Variants in CHD8 observed in about 807,000 individuals in gnomAD.
The protein encoded by CHD8 is chromodomain helicase DNA binding protein 8.
A neutral mutation model predicts 279.2 loss-of-function variants in CHD8; 31 were observed. That is an observed-to-expected ratio of 0.11 (90% CI 0.08 to 0.15). The LOEUF (loss-of-function observed/expected upper bound fraction) is 0.15, where lower values mean the gene tolerates loss of function less well. CHD8 is among the 10% of genes least tolerant of loss of function. The probability of loss-of-function intolerance (pLI) is 1.00; values close to 1 mark genes in which losing one functional copy is unlikely to be tolerated. For synonymous variants in CHD8, 1,081 were observed against 1,139.6 expected, an observed-to-expected ratio of 0.95 and a Z score of 1.04; for missense variants, 2,146 against 3,230.5, an observed-to-expected ratio of 0.66 and a Z score of 8.14.
At chr14:21,424,839 T>A (rs1287393839) in intron 5 of CHD8, among the ~76,000 whole-genome samples, 1 of 152,184 alleles carries the variant, frequency 6.6e-6, no homozygotes, top group East Asian at 1.9e-4. Context: ...ACCGAATGTA[T>A]ATTATGAAAG....
chr14:21,390,685 C>G (rs776436839), intron 37 of CHD8, among the ~76,000 whole-genome samples: 1 of 151,084 alleles, frequency 6.6e-6, no homozygotes, highest in Non-Finnish European at 1.5e-5. Flanking sequence ...GGCTGATGCA[C>G]GAGAATTGCT....
rs540678377 is a variant in CHD8, at chr14:21,390,701, C to G, written c.7182+246G>C. On this transcript the variant is annotated intron_variant, in intron 37 of 37. Coordinates refer to ENST00000646647, the MANE Select transcript of CHD8 (RefSeq NM_001170629.2). ...GCTGATGCACGAGAATTGCTTGAAC[C>G]CGGCGGGCGGAGGTTGCAGTAGGCC... is the stretch of plus-strand genomic sequence containing the variant. 2.6e-5 allele frequency among the ~76,000 whole-genome samples: 4 copies of G among 151,546 alleles called. No homozygotes were observed. In the South Asian group the frequency reaches 6.2e-4, roughly 24 times the overall value.
Position 21,408,197 on chromosome 14 carries a change from A to C in CHD8, c.2730+115T>G. ...TGCCTTAAACCATAGGCATTTTTGCATAGGCATATTGAAGACTTTCAATAA... is the reference window on the plus strand; with the variant it reads ...TGCCTTAAACCATAGGCATTTTTGCCTAGGCATATTGAAGACTTTCAATAA... On this transcript the variant is annotated intron_variant, in intron 13 of 37. Coordinates refer to ENST00000646647, the MANE Select transcript of CHD8 (RefSeq NM_001170629.2). The surrounding 1 kb of genome is among the most constrained non-coding windows in gnomAD (Gnocchi z 4.3). 2 of 1,282,120 alleles carry C rather than the reference A, an allele frequency of 1.6e-6. No individual in the cohort carries two copies. Among genetic ancestry groups the C allele is most frequent in the Non-Finnish European group, 1.1e-6 (1 of 935,110 alleles). The allele number at this position is 1,282,120 out of a possible 1,614,324, so 79.4% of individuals were successfully genotyped here. A position where few individuals can be genotyped will look rare whatever the true frequency, so the allele number is the denominator to read the frequency against.
At chr14:21,443,876 A>C (rs1301759112) in intron 1 of CHD8, among the ~76,000 whole-genome samples, 3 of 151,856 alleles carry the variant, frequency 2.0e-5, no homozygotes, top group African/African-American at 2.4e-5. Context: ...AAAAAAAAAA[A>C]AAACAACACT....
intron 1 of CHD8, 145 bp from the exon 2 acceptor site, chr14:21,432,003 C>G: frequency 1.6e-6 from 1 of 613,826 alleles, no homozygotes; most frequent in Non-Finnish European, 2.9e-6. Flanking sequence ...GGACATACAG[C>G]AGAAAGACAC....
At chr14:21,441,755 G>A (rs906834547) in intron 1 of CHD8, among the ~76,000 whole-genome samples, 2 of 152,154 alleles carry the variant, frequency 1.3e-5, no homozygotes, top group African/African-American at 2.4e-5. Context: ...TGGGCGTGGT[G>A]GTGGGCACCT....
chr14:21,390,920 GA>G lies in CHD8; in HGVS notation c.7182+26del, dbSNP rs35057134. ...TAATCTCACATCTAGTGTGGGAATA[GA>G]GTGGTAATGCTGCAATTTCTCTCAC... On this transcript the variant is annotated intron_variant, in intron 37 of 37. Coordinates refer to ENST00000646647, the MANE Select transcript of CHD8 (RefSeq NM_001170629.2). 313,209 of 1,105,366 alleles carry G rather than the reference GA, an allele frequency of 0.28. 45,416 individuals carry two copies. Among genetic ancestry groups the G allele is most frequent in the East Asian group, 0.38 (15,554 of 41,348 alleles). The allele number at this position is 1,105,366 out of a possible 1,614,324, so 68.5% of individuals were successfully genotyped here. A position where few individuals can be genotyped will look rare whatever the true frequency, so the allele number is the denominator to read the frequency against.
At chr14:21,417,861 A>ATAT (rs1175063826) in intron 5 of CHD8, among the ~76,000 whole-genome samples, 1 of 139,444 alleles carries the variant, frequency 7.2e-6, no homozygotes, top group African/African-American at 2.8e-5. Flanking sequence ...CAAAAAAAAA[A>ATAT]AAAAATATAT....
intron 35 of CHD8, 43 bp from the exon 36 acceptor site, chr14:21,391,685 T>C: frequency 3.8e-6 from 2 of 525,696 alleles, no homozygotes; most frequent in Non-Finnish European, 7.2e-6. Flanking sequence ...TACTCTTCTT[T>C]GGGGGAGGGA....
chr14:21,423,772 G>A (rs1317391270), intron 5 of CHD8, among the ~76,000 whole-genome samples: 2 of 152,134 alleles, frequency 1.3e-5, no homozygotes, highest in Non-Finnish European at 2.9e-5. Context: ...TTCTTACTAT[G>A]AGCCAAACAC....
At position 21,394,092 on chromosome 14, in the gene CHD8, T is replaced by C. The variant is rs1427136468; in HGVS notation, c.5703A>G (p.Leu1901=). Reference sequence around the variant, plus strand: ...GCCGATCTTCCAAAAGGGGGTGGCATAAAACTTGTTCCCGTAAGCGCCGAA... The same window carrying C: ...GCCGATCTTCCAAAAGGGGGTGGCACAAAACTTGTTCCCGTAAGCGCCGAA... The part of the protein sequence containing the change: ...ELLRRLREQV[L]CHPLLEDRLA... Residue 1901 remains leucine, a synonymous_variant, in exon 32 of 38, where the codon TTA becomes TTG. Coordinates refer to ENST00000646647, the MANE Select transcript of CHD8 (RefSeq NM_001170629.2). 2 of 1,613,716 alleles carry C rather than the reference T, an allele frequency of 1.2e-6. No individual in the cohort carries two copies. Among genetic ancestry groups the C allele is most frequent in the East Asian group, 2.2e-5 (1 of 44,892 alleles).
intron 34 of CHD8, 141 bp from the exon 35 acceptor site, chr14:21,392,087 A>G: frequency 1.3e-6 from 1 of 770,886 alleles, no homozygotes. Context: ...TAAAGGGTAA[A>G]ATTAGAAATA....
At position 21,403,470 on chromosome 14, in the gene CHD8, A is replaced by G. The variant is rs1192932069; in HGVS notation, c.3501T>C (p.Asp1167=). ...TTTCTTACCTCCTCTGGATTAAATA[A>G]TCCTCTAGGATGTCTAGGCAGCGCA... ...QMVRCLDILE[D]YLIQRRYLYE... Residue 1167 remains aspartate (D), a synonymous_variant, in exon 17 of 38, where the codon GAT becomes GAC. Coordinates refer to ENST00000646647, the MANE Select transcript of CHD8 (RefSeq NM_001170629.2). This position sits in a 1 kb window ranked among gnomAD's most constrained non-coding sequence, Gnocchi z 4.3. 2.5e-6 allele frequency: 4 copies of G among 1,612,264 alleles called. No homozygotes were observed. Among genetic ancestry groups the G allele is most frequent in the Non-Finnish European group, 2.5e-6 (3 of 1,178,744 alleles).
rs1888338929 is a variant in CHD8, at chr14:21,408,305, A to T, written c.2730+7T>A. 2 of 1,609,708 alleles carry T rather than the reference A, an allele frequency of 1.2e-6. No homozygotes were observed. The highest frequency in any genetic ancestry group is 2.7e-5 in the African/African-American group (2 of 74,902). On this transcript the variant is annotated splice_region_variant and intron_variant, in intron 13 of 37. Coordinates refer to ENST00000646647, the MANE Select transcript of CHD8 (RefSeq NM_001170629.2). The surrounding 1 kb of genome is among the most constrained non-coding windows in gnomAD (Gnocchi z 4.3). ...AACTCATAGTATTCCCAAGACATGC[A>T]ACTCACCCGTGAATCTTTGCAGTAC...
chr14:21,399,581 A>G, intron 26 of CHD8, 21 bp downstream of exon 26: 3 of 1,527,798 alleles, frequency 2.0e-6, no homozygotes, highest in Non-Finnish European at 2.7e-6. Context: ...GGAAAGGAGT[A>G]GAATAGGAGA....
chr14:21,391,749 T>C (rs1004105659), intron 35 of CHD8, 84 bp downstream of exon 35: 1 of 1,516,038 alleles, frequency 6.6e-7, no homozygotes, highest in Non-Finnish European at 9.1e-7. Context: ...TATTTTCCAT[T>C]CCCCCAGTCC....
chr14:21,420,203 AC>A (rs1319358620), intron 5 of CHD8, among the ~76,000 whole-genome samples: 4 of 152,140 alleles, frequency 2.6e-5, no homozygotes, highest in African/African-American at 9.7e-5. Flanking sequence ...AAAGGGTGTG[AC>A]CCCTGCCAGC....
At position 21,437,456 on chromosome 14, in the gene CHD8, C is replaced by T. The variant is rs1223362304; in HGVS notation, c.-215-5598G>A. 4 of 182,244 alleles carry T rather than the reference C, an allele frequency of 2.2e-5. No individual in the cohort carries two copies. The South Asian group carries it at 3.1e-4, about 14-fold the overall frequency. 11.3% of individuals were successfully genotyped at this position (182,244 alleles called of 1,614,324 possible). On this transcript the variant is annotated intron_variant, in intron 1 of 37. Coordinates refer to ENST00000646647, the MANE Select transcript of CHD8 (RefSeq NM_001170629.2). Reference sequence around the variant, plus strand: ...GTTTCTAGGGCCGAGGCGAAGCCTGCAGCTTGCTTGAAAAAAGGGGGCTGG... The same window carrying T: ...GTTTCTAGGGCCGAGGCGAAGCCTGTAGCTTGCTTGAAAAAAGGGGGCTGG...
intron 11 of CHD8, among the ~76,000 whole-genome samples, chr14:21,409,586 A>T (rs114923964): frequency 0.025 from 3,770 of 152,298 alleles, 51 homozygotes; most frequent in African/African-American, 0.033. Context: ...AAACACTGTA[A>T]TATTTACAGA....
Sources: gnomAD v4.1 joint callset for allele counts (sites outside exome capture counted in the v4.1 genomes callset) on GRCh38, gnomAD v4.1.1 for gene constraint, Gnocchi (gnomAD v3.1) non-coding constraint, MANE v1.5 for transcripts, NCBI Gene and HGNC (gene_info 2026-07-23, HGNC 2026-07-21) for gene names.